GRK5: variants seen among roughly 807,000 people sequenced by gnomAD.
The protein encoded by GRK5 is g protein-coupled receptor kinase GRK5.
GRK5 carries 40 observed loss-of-function variants against 78.4 expected under a neutral mutation model. The observed-to-expected ratio is 0.51, with a 90% CI of 0.40 to 0.66. The LOEUF is 0.66. Ranked by LOEUF, GRK5 falls within the 30% of genes least tolerant of loss-of-function variation. GRK5 has a pLI of 0.00. For synonymous variants in GRK5, 289 were observed against 296.8 expected (o/e 0.97, Z 0.27); for missense variants, 598 against 759.9 (o/e 0.79, Z 2.50).
intron 1 of GRK5, among the ~76,000 whole-genome samples, chr10:119,301,278 G>T (rs1020653017): frequency 5.3e-5 from 8 of 152,162 alleles, no homozygotes; most frequent in African/African-American, 1.4e-4. Flanking sequence ...TAACGCCATG[G>T]GTTAGTCTTG....
At chr10:119,256,064 T>A (rs1849278370) in intron 1 of GRK5, among the ~76,000 whole-genome samples, 1 of 152,074 alleles carries the variant, frequency 6.6e-6, no homozygotes, top group Non-Finnish European at 1.5e-5. Flanking sequence ...GCAAACCAGT[T>A]TGAAACCCTT....
At chr10:119,411,842 C>CTTTTTTTTTTTTTTT (rs10578557) in intron 4 of GRK5, among the ~76,000 whole-genome samples, 1,009 of 95,874 alleles carry the variant, frequency 0.011, 173 homozygotes, top group Non-Finnish European at 0.014. Flanking sequence ...AGATCTGCTT[C>CTTTTTTTTTTTTTTT]TTTTTTTTTT....
intron 4 of GRK5, among the ~76,000 whole-genome samples, chr10:119,420,418 C>T (rs1183320259): frequency 6.6e-6 from 1 of 150,882 alleles, no homozygotes; most frequent in Non-Finnish European, 1.5e-5. Context: ...CCATTTTGTA[C>T]ATCACCATGT....
chr10:119,242,964 C>T (rs969702720), intron 1 of GRK5, among the ~76,000 whole-genome samples: 5 of 152,144 alleles, frequency 3.3e-5, no homozygotes, highest in African/African-American at 1.2e-4. Context: ...ATAGGCCAGG[C>T]GCAGTGGCTC....
At chr10:119,224,512 C>T (rs958812839) in intron 1 of GRK5, among the ~76,000 whole-genome samples, 3 of 152,088 alleles carry the variant, frequency 2.0e-5, no homozygotes, top group South Asian at 2.1e-4. Context: ...CAGGTTCAAG[C>T]GGTTCTCTTG....
Position 119,238,300 on chromosome 10 carries a change from C to T in GRK5, c.52+30331C>T, listed in dbSNP as rs1848966303. 6.6e-6 allele frequency among the ~76,000 whole-genome samples: 1 copy of T among 152,066 alleles called. No homozygotes were observed. Among genetic ancestry groups the T allele is most frequent in the Admixed American group, 6.6e-5 (1 of 15,260 alleles). The stretch of plus-strand genomic sequence containing the variant: ...GCGGGGGGCCTTCTGCTGAAGATCT[C>T]AATTAAACTTTGGACTGGCTCATCC... On this transcript the variant is annotated intron_variant, in intron 1 of 15. Coordinates refer to ENST00000392870, the MANE Select transcript of GRK5 (RefSeq NM_005308.3). This position sits in a 1 kb window ranked among gnomAD's most constrained non-coding sequence, Gnocchi z 4.7.
intron 4 of GRK5, among the ~76,000 whole-genome samples, chr10:119,417,678 T>C (rs989201732): frequency 2.6e-5 from 4 of 152,046 alleles, no homozygotes; most frequent in Non-Finnish European, 5.9e-5. Flanking sequence ...GAACAGAAGA[T>C]GAGAGAGGCG....
intron 1 of GRK5, among the ~76,000 whole-genome samples, chr10:119,233,450 G>T (rs921586520): frequency 2.6e-5 from 4 of 152,148 alleles, no homozygotes; most frequent in Non-Finnish European, 4.4e-5. Flanking sequence ...GCTCTTGGTG[G>T]CCGTTGCCAC....
intron 1 of GRK5, among the ~76,000 whole-genome samples, chr10:119,319,989 G>A (rs1850556179): frequency 2.0e-5 from 3 of 152,338 alleles, no homozygotes; most frequent in South Asian, 4.1e-4. Context: ...CCTCCTTCCC[G>A]GGAGCAGGTC....
intron 1 of GRK5, among the ~76,000 whole-genome samples, chr10:119,269,495 C>T (rs1423169854): frequency 1.3e-5 from 2 of 152,006 alleles, no homozygotes; most frequent in Non-Finnish European, 1.5e-5. Context: ...GAGAGCTTTG[C>T]GTGCTCTCAT....
At chr10:119,332,598 T>C (rs1426694982) in intron 2 of GRK5, among the ~76,000 whole-genome samples, 3 of 152,184 alleles carry the variant, frequency 2.0e-5, no homozygotes, top group Non-Finnish European at 4.4e-5. Context: ...AAAAGAAAGA[T>C]GACATTTTTC....
intron 1 of GRK5, among the ~76,000 whole-genome samples, chr10:119,232,533 C>T (rs886250232): frequency 6.6e-6 from 1 of 152,164 alleles, no homozygotes; most frequent in Admixed American, 6.5e-5. Flanking sequence ...ATCTTGAATT[C>T]CCACGTGTTG....
chr10:119,233,170 G>A (rs76156679), intron 1 of GRK5, among the ~76,000 whole-genome samples: 3,107 of 152,300 alleles, frequency 0.02, 74 homozygotes, highest in South Asian at 0.061. Flanking sequence ...AGCAGACGGT[G>A]TCTGTTGTTT....
chr10:119,233,560 T>G (rs1821651314), intron 1 of GRK5, among the ~76,000 whole-genome samples: 1 of 152,152 alleles, frequency 6.6e-6, no homozygotes, highest in African/African-American at 2.4e-5. Context: ...TTCATTTTGG[T>G]GTCCAGCCAT....
intron 1 of GRK5, among the ~76,000 whole-genome samples, chr10:119,261,045 C>A (rs1411751241): frequency 1.4e-3 from 166 of 116,630 alleles, no homozygotes; most frequent in Non-Finnish European, 2.6e-3. Context: ...CTGACCCCCC[C>A]ACCTCCCTCC....
intron 3 of GRK5, among the ~76,000 whole-genome samples, chr10:119,388,303 T>A (rs1241678324): frequency 6.6e-6 from 1 of 151,984 alleles, no homozygotes; most frequent in African/African-American, 2.4e-5. Flanking sequence ...CAGCTACAAG[T>A]TAAAATATTT....
At chr10:119,326,417 C>G in intron 1 of GRK5, 99 bp from the exon 2 acceptor site, 1 of 910,430 alleles carries the variant, frequency 1.1e-6, no homozygotes, top group Non-Finnish European at 1.8e-6. Flanking sequence ...ACAGCCCGTC[C>G]CTCTGTCTCT....
intron 4 of GRK5, among the ~76,000 whole-genome samples, chr10:119,419,370 T>C (rs1053486764): frequency 2.0e-5 from 3 of 152,248 alleles, no homozygotes; most frequent in African/African-American, 4.8e-5. Context: ...TCTGGTTCCA[T>C]TGATGCAAAT....
chr10:119,272,987 C>G (rs549076868), intron 1 of GRK5, among the ~76,000 whole-genome samples: 1 of 152,350 alleles, frequency 6.6e-6, no homozygotes, highest in East Asian at 1.9e-4. Flanking sequence ...CAGTCCCTCT[C>G]TGACGCCTTC....
Sources: gnomAD v4.1 joint callset for allele counts (sites outside exome capture counted in the v4.1 genomes callset) on GRCh38, gnomAD v4.1.1 for gene constraint, Gnocchi (gnomAD v3.1) non-coding constraint, MANE v1.5 for transcripts, NCBI Gene and HGNC (gene_info 2026-07-23, HGNC 2026-07-21) for gene names.